NEURL1B: variants seen among roughly 807,000 people sequenced by gnomAD.
NEURL1B encodes the protein neuralized E3 ubiquitin protein ligase 1B.
A neutral mutation model predicts 37.4 loss-of-function variants in NEURL1B; 13 were observed. The observed-to-expected ratio is 0.35, with a 90% CI of 0.23 to 0.55. NEURL1B has a LOEUF of 0.55. NEURL1B is among the 20% of genes least tolerant of loss of function. The pLI, the probability that NEURL1B is intolerant of heterozygous loss-of-function variation, is 0.89. For synonymous variants in NEURL1B, 432 were observed against 426.6 expected (o/e 1.01, Z -0.16); for missense variants, 790 against 879.2 (o/e 0.90, Z 1.28).
Position 172,641,445 on chromosome 5 carries a change from G to T in NEURL1B, c.31+8G>T, listed in dbSNP as rs1469294359. On this transcript the variant is annotated splice_region_variant and intron_variant, in intron 1 of 4. Coordinates refer to ENST00000369800, the MANE Select transcript of NEURL1B (RefSeq NM_001142651.3). The surrounding 1 kb of genome is among the most constrained non-coding windows in gnomAD (Gnocchi z 6.4). The stretch of plus-strand genomic sequence containing the variant: ...TGCACCGGACCCTGCCAGGTACGCC[G>T]GGGAGCCCTGCCCGGGAGGCGGGCG... 2 of 1,320,062 alleles carry T rather than the reference G, an allele frequency of 1.5e-6. No homozygotes were observed. Among genetic ancestry groups the T allele is most frequent in the South Asian group, 2.0e-5 (1 of 50,870 alleles). 81.8% of individuals were successfully genotyped at this position (1,320,062 alleles called of 1,614,324 possible).
chr5:172,686,992 C>A lies in NEURL1B; in HGVS notation c.*67C>A. ...TCTGAAGGCCCCCTGGGCTGGGCAA[C>A]CACATGGCTGCCAGGGAGTCCACGG... On this transcript the variant is annotated 3_prime_UTR_variant, in exon 5 of 5. Coordinates refer to ENST00000369800, the MANE Select transcript of NEURL1B (RefSeq NM_001142651.3). This position sits in a 1 kb window ranked among gnomAD's most constrained non-coding sequence, Gnocchi z 7.9. 6.7e-7 allele frequency: 1 copy of A among 1,493,692 alleles called. No homozygotes were observed. Among genetic ancestry groups the A allele is most frequent in the South Asian group, 1.3e-5 (1 of 77,136 alleles). 92.5% of individuals were successfully genotyped at this position (1,493,692 alleles called of 1,614,324 possible).
intron 1 of NEURL1B, among the ~76,000 whole-genome samples, chr5:172,645,920 G>C (rs541072927): frequency 2.3e-4 from 35 of 152,312 alleles, no homozygotes; most frequent in Non-Finnish European, 4.1e-4. Flanking sequence ...TCTCTCCACC[G>C]TGGGTTGTGA....
chr5:172,648,864 C>G (rs1314985905), intron 1 of NEURL1B, among the ~76,000 whole-genome samples: 4 of 152,232 alleles, frequency 2.6e-5, no homozygotes, highest in African/African-American at 7.2e-5. Flanking sequence ...TCCCCAAGGT[C>G]TGGTGTGCAG....
intron 1 of NEURL1B, among the ~76,000 whole-genome samples, chr5:172,646,819 G>A (rs1257388546): frequency 1.3e-5 from 2 of 151,926 alleles, no homozygotes; most frequent in African/African-American, 4.8e-5. Context: ...GAGAAAGGCT[G>A]TTCAGGGCAC....
chr5:172,646,267 A>G lies in NEURL1B; in HGVS notation c.31+4830A>G, dbSNP rs548500345. ...GCCTCAGTTTCCTCACAGGGAGACT[A>G]GGGGTAGCTCCTTCACGGTTGGTGG... On this transcript the variant is annotated intron_variant, in intron 1 of 4. Transcript: ENST00000369800. Among the ~76,000 whole-genome samples the G allele has an allele frequency of 2.6e-5, 4 of 152,132 alleles. No individual in the cohort carries two copies. The South Asian group carries it at 8.3e-4, about 32-fold the overall frequency.
intron 1 of NEURL1B, among the ~76,000 whole-genome samples, chr5:172,648,131 C>T (rs539815552): frequency 6.6e-6 from 1 of 152,212 alleles, no homozygotes; most frequent in African/African-American, 2.4e-5. Context: ...GGAGTCCTTC[C>T]TTCTCGGGTC....
In NEURL1B at chr5:172,665,846, G is replaced by A. The variant is rs988114767; in HGVS notation, c.32-3939G>A. Among the ~76,000 whole-genome samples, 1 of 152,128 alleles carries A rather than the reference G, an allele frequency of 6.6e-6. No homozygotes were observed. Among genetic ancestry groups the A allele is most frequent in the Non-Finnish European group, 1.5e-5 (1 of 68,034 alleles). On this transcript the variant is annotated intron_variant, in intron 1 of 4. Transcript: ENST00000369800. This position sits in a 1 kb window ranked among gnomAD's most constrained non-coding sequence, Gnocchi z 4.1. ...GGCCCCTAGTCCCCCCGGTGCCATCGCCTGAGATGGTCTTTATCACGCCTG... is the reference window on the plus strand; with the variant it reads ...GGCCCCTAGTCCCCCCGGTGCCATCACCTGAGATGGTCTTTATCACGCCTG...
At position 172,676,569 on chromosome 5, in the gene NEURL1B, T is replaced by C. The variant is rs961336394; in HGVS notation, c.577+6239T>C. On this transcript the variant is annotated intron_variant, in intron 2 of 4. Transcript: ENST00000369800. This position sits in a 1 kb window ranked among gnomAD's most constrained non-coding sequence, Gnocchi z 4.5. ...CTCCTGAGGCAATGGGAGGTGGGGGTGGGGCAGTTCCCTCCAAAGAAAAGC... is the reference window on the plus strand; with the variant it reads ...CTCCTGAGGCAATGGGAGGTGGGGGCGGGGCAGTTCCCTCCAAAGAAAAGC... Among the ~76,000 whole-genome samples the C allele has an allele frequency of 2.6e-5, 4 of 151,918 alleles. No homozygotes were observed. The highest frequency in any genetic ancestry group is 2.1e-4 in the South Asian group (1 of 4,812).
At chr5:172,672,548 C>CCCA (rs988047601) in intron 2 of NEURL1B, among the ~76,000 whole-genome samples, 6 of 148,436 alleles carry the variant, frequency 4.0e-5, no homozygotes, top group African/African-American at 1.5e-4. Flanking sequence ...TCTCCCCCCC[C>CCCA]CACTCTATTT....
In NEURL1B at chr5:172,648,793, G is replaced by A. The variant is rs536633264; in HGVS notation, c.31+7356G>A. 5.4e-4 allele frequency among the ~76,000 whole-genome samples: 83 copies of A among 152,344 alleles called. 1 individual carries two copies. The South Asian group carries it at 0.016, about 29-fold the overall frequency. ...GTCTCACATCGCACCTCTAGGCATGGCAGGGTGGGGGCCCTCTCCAGGCAG... is the reference window on the plus strand; with the variant it reads ...GTCTCACATCGCACCTCTAGGCATGACAGGGTGGGGGCCCTCTCCAGGCAG... On this transcript the variant is annotated intron_variant, in intron 1 of 4. Coordinates refer to ENST00000369800, the MANE Select transcript of NEURL1B (RefSeq NM_001142651.3).
chr5:172,678,220 A>G (rs1414399242), intron 2 of NEURL1B, among the ~76,000 whole-genome samples: 1 of 152,216 alleles, frequency 6.6e-6, no homozygotes, highest in Non-Finnish European at 1.5e-5. Flanking sequence ...GTGTAATACA[A>G]TATGCATATA....
chr5:172,685,155 C>T (rs1055610166), intron 3 of NEURL1B, among the ~76,000 whole-genome samples: 1 of 152,184 alleles, frequency 6.6e-6, no homozygotes, highest in African/African-American at 2.4e-5. Context: ...AGAGTGATAC[C>T]TGCTTCATGG....
intron 1 of NEURL1B, among the ~76,000 whole-genome samples, chr5:172,666,952 A>G (rs1476752227): frequency 6.6e-6 from 1 of 152,084 alleles, no homozygotes; most frequent in Non-Finnish European, 1.5e-5. Context: ...GTTGGAGGAG[A>G]TGATCCCTGA....
chr5:172,649,036 G>A (rs1301216081), intron 1 of NEURL1B, among the ~76,000 whole-genome samples: 2 of 152,240 alleles, frequency 1.3e-5, no homozygotes, highest in East Asian at 1.9e-4. Flanking sequence ...AGACCTGAAG[G>A]GGAAGTGCAT....
At chr5:172,666,978 T>C (rs1758025095) in intron 1 of NEURL1B, among the ~76,000 whole-genome samples, 1 of 152,108 alleles carries the variant, frequency 6.6e-6, no homozygotes, top group Non-Finnish European at 1.5e-5. Context: ...GCTCAAGCTC[T>C]AACTGTAACA....
chr5:172,648,982 G>A (rs1757609004), intron 1 of NEURL1B, among the ~76,000 whole-genome samples: 1 of 152,232 alleles, frequency 6.6e-6, no homozygotes, highest in Non-Finnish European at 1.5e-5. Flanking sequence ...AGACTCTCCA[G>A]CAGCATAGTC....
rs549973149 is a variant in NEURL1B at position 172,686,194 on chromosome 5, A to G, written c.1321A>G (p.Thr441Ala). ...AGGTACCCTGCAGTCCAGCCCTGCG[A>G]CCACGACTCCATCAGGGTCCCTCAG... is the stretch of plus-strand genomic sequence containing the variant. ...LLGTLQSSPA[T>A]TTPSGSLSGS... Residue 441 changes from threonine to alanine, a missense_variant, in exon 4 of 5, where the codon ACC (threonine) becomes GCC (alanine). Thr to Ala is a moderately conservative substitution (Grantham distance 58). This residue lies in a region of NEURL1B where 460 missense variants were observed against 407.4 expected (regional missense o/e 1.13). Transcript: ENST00000369800. This position sits in a 1 kb window ranked among gnomAD's most constrained non-coding sequence, Gnocchi z 7.9. 1.9e-4 allele frequency: 293 copies of G among 1,551,668 alleles called. 3 individuals are homozygous for G. The South Asian group carries it at 3.0e-3, about 16-fold the overall frequency.
chr5:172,671,408 G>A (rs140349735), intron 2 of NEURL1B, among the ~76,000 whole-genome samples: 183 of 152,328 alleles, frequency 1.2e-3, no homozygotes, highest in African/African-American at 4.0e-3. Context: ...GTTTGCAGGT[G>A]TTGACAGACT....
At position 172,651,059 on chromosome 5, in the gene NEURL1B, G is replaced by C. The variant is rs527737843; in HGVS notation, c.31+9622G>C. On this transcript the variant is annotated intron_variant, in intron 1 of 4. Coordinates refer to ENST00000369800, the MANE Select transcript of NEURL1B (RefSeq NM_001142651.3). ...AGGGTGGAGTAGATAATCGAAAAAG[G>C]TTGCTTTACGAGGAAGTTTAAAAGT... 1.2e-4 allele frequency among the ~76,000 whole-genome samples: 18 copies of C among 152,310 alleles called. No homozygotes were observed. The East Asian group carries it at 3.5e-3, about 29-fold the overall frequency.
Sources: allele counts gnomAD v4.1 joint callset (sites outside exome capture counted in the v4.1 genomes callset), GRCh38; gene constraint gnomAD v4.1.1; regional missense constraint gnomAD v4.1.1; non-coding constraint Gnocchi (gnomAD v3.1); transcripts MANE v1.5; gene names NCBI Gene and HGNC (gene_info 2026-07-23, HGNC 2026-07-21).